SAMD12: variants seen among roughly 807,000 people sequenced by gnomAD.
SAMD12 encodes sterile alpha motif domain containing 12.
In SAMD12, 9 loss-of-function variants were observed where a neutral mutation model predicts 15.0. The observed-to-expected ratio is 0.60, with a 90% CI of 0.36 to 1.05. The LOEUF is 1.05. Among genes scored for constraint, SAMD12 ranks in the 50% least tolerant of loss-of-function variants. The pLI is 0.01. For synonymous variants in SAMD12, 86 were observed against 90.1 expected, an observed-to-expected ratio of 0.96 and a Z score of 0.25; for missense variants, 230 against 234.2, an observed-to-expected ratio of 0.98 and a Z score of 0.12.
intron 2 of SAMD12, among the ~76,000 whole-genome samples, chr8:118,497,305 ACAAGGAATCAACCTAGATGC>A (rs1035777069): frequency 6.6e-6 from 1 of 152,224 alleles, no homozygotes; most frequent in African/African-American, 2.4e-5. Context: ...AATAGCAAAG[ACAAGGAATCAACCTAGATGC>A]CAATCAACGG....
intron 4 of SAMD12, among the ~76,000 whole-genome samples, chr8:118,201,818 C>T (rs1819723333): frequency 6.6e-6 from 1 of 152,188 alleles, no homozygotes; most frequent in Non-Finnish European, 1.5e-5. Flanking sequence ...TAGTAAAAGG[C>T]TCTTTTTCAA....
At chr8:118,455,240 GAGACACTTTCT>G (rs1823210671) in intron 2 of SAMD12, among the ~76,000 whole-genome samples, 1 of 144,482 alleles carries the variant, frequency 6.9e-6, no homozygotes, top group African/African-American at 2.8e-5. Flanking sequence ...CTTTCTTCTT[GAGACACTTTCT>G]TCTCCTGGCT....
chr8:118,132,081 T>C, the SAMD12 span, among the ~76,000 whole-genome samples: 9,501 of 152,272 alleles, frequency 0.062, 477 homozygotes, highest in Admixed American at 0.15. Context: ...TATCTTTGTA[T>C]TTTTAAATAA....
intron 3 of SAMD12, among the ~76,000 whole-genome samples, chr8:118,408,440 G>A (rs1821240714): frequency 6.6e-6 from 1 of 152,080 alleles, no homozygotes; most frequent in South Asian, 2.1e-4. Flanking sequence ...ACCACTACCT[G>A]CCATCGCTTT....
At chr8:118,232,056 T>A (rs1049439770) in intron 4 of SAMD12, among the ~76,000 whole-genome samples, 21 of 152,354 alleles carry the variant, frequency 1.4e-4, no homozygotes, top group Middle Eastern at 3.4e-3. Flanking sequence ...TAATGTTATC[T>A]GTGCAAGAAA....
In SAMD12 at chr8:118,430,974, C is replaced by A. The variant is rs778369223; in HGVS notation, c.322+8858G>T. Among the ~76,000 whole-genome samples, 35 of 151,968 alleles carry A rather than the reference C, an allele frequency of 2.3e-4. 1 individual carries two copies. The highest frequency in any genetic ancestry group is 7.0e-4 in the African/African-American group (29 of 41,406). ...TCTTGTTTCTCTCTTTTTTCTTTGA[C>A]CTTTTCTGATTTTAACTGAGTATTT... is the stretch of plus-strand genomic sequence containing the variant. On this transcript the variant is annotated intron_variant, in intron 3 of 3. Transcript: ENST00000314727.
intron 4 of SAMD12, among the ~76,000 whole-genome samples, chr8:118,218,632 C>T (rs551966193): frequency 3.9e-4 from 56 of 145,102 alleles, no homozygotes; most frequent in Admixed American, 5.3e-4. Flanking sequence ...ATTTGTCTTT[C>T]GATGCTGGGC....
At chr8:118,143,211 C>T in the SAMD12 span, among the ~76,000 whole-genome samples, 4 of 151,238 alleles carry the variant, frequency 2.6e-5, no homozygotes, top group African/African-American at 7.4e-5. Context: ...AAGAGGGGCA[C>T]AGTATATCTA....
At position 118,379,517 on chromosome 8, in the gene SAMD12, C is replaced by T; in HGVS notation, c.506G>A (p.Arg169Lys). 1 of 1,613,886 alleles carries T rather than the reference C, an allele frequency of 6.2e-7. No individual in the cohort carries two copies. The highest frequency in any genetic ancestry group is 8.5e-7 in the Non-Finnish European group (1 of 1,179,838). The change falls in exon 4 of 4, where the codon AGA becomes AAA. Residue 169 changes from arginine (R) to lysine (K), a missense_variant. Arg to Lys is a conservative substitution (Grantham distance 26). Coordinates refer to ENST00000314727, the MANE Select transcript of SAMD12 (RefSeq NM_207506.3). ...TCCTAATAGTAAGGTGGTCTTTCTT[C>T]TAATCTCCCCATCCATCCACCCATC... ...LPDGWMDGEI[R>K]RKTTLLLGQT...
chr8:118,379,585 G>T lies in SAMD12; in HGVS notation c.438C>A (p.Val146=), dbSNP rs767866212. 6.2e-7 allele frequency: 1 copy of T among 1,613,920 alleles called. No homozygotes were observed. The highest frequency in any genetic ancestry group is 1.1e-5 in the South Asian group (1 of 91,080). The part of the protein sequence containing the change: ...QVLQLKVREE[V]RNLQLLTQGT... ...CTTGTGTGAGTAACTGTAGATTTCT[G>T]ACTTCTTCTCGCACCTTCAGCTGGA... is the stretch of plus-strand genomic sequence containing the variant. Residue 146 remains valine (V), a synonymous_variant, in exon 4 of 4, where the codon GTC becomes GTA. Coordinates refer to ENST00000314727, the MANE Select transcript of SAMD12 (RefSeq NM_207506.3).
intron 3 of SAMD12, among the ~76,000 whole-genome samples, chr8:118,397,782 G>A (rs1344862028): frequency 3.3e-5 from 3 of 92,000 alleles, no homozygotes; most frequent in Admixed American, 1.9e-4. Flanking sequence ...TGAGGAAAAT[G>A]GGACTTGCAA....
the SAMD12 span, among the ~76,000 whole-genome samples, chr8:118,177,077 G>A: frequency 6.6e-6 from 1 of 152,172 alleles, no homozygotes; most frequent in Non-Finnish European, 1.5e-5. Context: ...GGGAATGAGT[G>A]GATGCGTTTC....
At chr8:118,548,821 C>G (rs1458107473) in intron 2 of SAMD12, among the ~76,000 whole-genome samples, 1 of 152,238 alleles carries the variant, frequency 6.6e-6, no homozygotes, top group Non-Finnish European at 1.5e-5. Context: ...GTCACTCCCA[C>G]CCACATACTG....
rs1819501057 is a variant in SAMD12, at chr8:118,378,530, C to T, written c.*887G>A. 5.1e-6 allele frequency: 5 copies of T among 984,576 alleles called. No individual in the cohort carries two copies. Among genetic ancestry groups the T allele is most frequent in the Non-Finnish European group, 4.8e-6 (4 of 829,224 alleles). 61.0% of individuals were successfully genotyped at this position (984,576 alleles called of 1,614,324 possible). Reference sequence around the variant, plus strand: ...TAGAATAGTCATCTTTCAGGGAGCACATTATTTCCTCTAGGCAAATGGACT... The same window carrying T: ...TAGAATAGTCATCTTTCAGGGAGCATATTATTTCCTCTAGGCAAATGGACT... On this transcript the variant is annotated 3_prime_UTR_variant, in exon 4 of 4. Transcript: ENST00000314727.
chr8:118,236,245 C>G (rs539661950), intron 4 of SAMD12, among the ~76,000 whole-genome samples: 2 of 152,108 alleles, frequency 1.3e-5, no homozygotes, highest in South Asian at 2.1e-4. Flanking sequence ...CATTTGCCAG[C>G]GAGACCTAGT....
At chr8:118,180,267 CTG>C in the SAMD12 span, among the ~76,000 whole-genome samples, 3 of 152,334 alleles carry the variant, frequency 2.0e-5, no homozygotes, top group East Asian at 1.9e-4. Flanking sequence ...TGACCAGAAA[CTG>C]TGATTACTCA....
intron 4 of SAMD12, among the ~76,000 whole-genome samples, chr8:118,283,801 A>G (rs1813781838): frequency 6.6e-6 from 1 of 152,214 alleles, no homozygotes; most frequent in African/African-American, 2.4e-5. Flanking sequence ...GATTGAGCAG[A>G]TGAATATGGG....
downstream of SAMD12, among the ~76,000 whole-genome samples, chr8:118,374,452 C>T (rs779375902): frequency 1.3e-5 from 2 of 152,106 alleles, no homozygotes; most frequent in Non-Finnish European, 2.9e-5. Flanking sequence ...CATGGGTGTA[C>T]AATTATTTCA....
chr8:118,452,074 G>GCT (rs1481599497), intron 2 of SAMD12, among the ~76,000 whole-genome samples: 1 of 152,110 alleles, frequency 6.6e-6, no homozygotes, highest in African/African-American at 2.4e-5. Flanking sequence ...ACCTCAGAGA[G>GCT]CTCGCTCTCT....
Sources: gnomAD v4.1 joint callset for allele counts (sites outside exome capture counted in the v4.1 genomes callset) on GRCh38, gnomAD v4.1.1 for gene constraint, MANE v1.5 for transcripts, NCBI Gene and HGNC (gene_info 2026-07-23, HGNC 2026-07-21) for gene names.